TTC34: variants seen among roughly 807,000 people sequenced by gnomAD.
The protein encoded by TTC34 is tetratricopeptide repeat protein 34.
TTC34 carries 44 observed loss-of-function variants against 40.7 expected under a neutral mutation model. That is an observed-to-expected ratio of 1.08 (90% CI 0.85 to 1.39). TTC34 has a LOEUF of 1.39. Among genes scored for constraint, TTC34 ranks in the 40% most tolerant of loss-of-function variants. The pLI, the probability that TTC34 is intolerant of heterozygous loss-of-function variation, is 0.00. For synonymous variants in TTC34, 422 were observed against 398.6 expected (o/e 1.06, Z -0.70); for missense variants, 884 against 838.0 (o/e 1.05, Z -0.68).
At chr1:2,751,982 A>T (rs1443731630) in intron 6 of TTC34, among the ~76,000 whole-genome samples, 1 of 117,052 alleles carries the variant, frequency 8.5e-6, no homozygotes, top group African/African-American at 3.8e-5. Flanking sequence ...CCAGGCGAGC[A>T]TTTGACAGCC....
chr1:2,752,090 C>T lies in TTC34; in HGVS notation c.2226+31519G>A, dbSNP rs1230583864. ...TGAACGCACGGAGCAGCACCCACACCTTCAGGCGAGCATCGGACAGCCTGG... is the reference window on the plus strand; with the variant it reads ...TGAACGCACGGAGCAGCACCCACACTTTCAGGCGAGCATCGGACAGCCTGG... On this transcript the variant is annotated intron_variant, in intron 6 of 8. Transcript: ENST00000401095. 1.7e-4 allele frequency among the ~76,000 whole-genome samples: 19 copies of T among 112,160 alleles called. 6 individuals carry two copies. In the East Asian group the frequency reaches 6.1e-3, roughly 36 times the overall value. 73.6% of individuals were successfully genotyped at this position (112,160 alleles called of 152,430 possible).
exon 3 of TTC34, chr1:2,789,832 G>A (rs2100629985): frequency 4.6e-6 from 2 of 436,698 alleles, no homozygotes; most frequent in Admixed American, 4.4e-5. Context: ...CCTCCATGGC[G>A]CGCCGCGAGT....
chr1:2,768,207 C>A (rs1333033150), intron 6 of TTC34, among the ~76,000 whole-genome samples: 1 of 151,848 alleles, frequency 6.6e-6, no homozygotes, highest in Non-Finnish European at 1.5e-5. Flanking sequence ...CAGTGCCCAC[C>A]CCTGGGTGAG....
Position 2,775,472 on chromosome 1 carries a change from C to T in TTC34, c.2226+8137G>A, listed in dbSNP as rs547953736. ...TGACAGCCTGGAGCAGTACCCACAC[C>T]CCCAGGTGTGCATCTGACAGCCTGA... is the stretch of plus-strand genomic sequence containing the variant. On this transcript the variant is annotated intron_variant, in intron 6 of 8. Coordinates refer to ENST00000401095, the Ensembl canonical transcript of TTC34. The T allele has an allele frequency of 4.9e-4, 72 of 147,908 alleles. 10 individuals carry two copies. The highest frequency in any genetic ancestry group is 1.8e-3 in the African/African-American group (70 of 37,880). 9.2% of individuals were successfully genotyped at this position (147,908 alleles called of 1,614,324 possible).
Position 2,684,647 on chromosome 1 carries a change from G to A in TTC34, c.2227-39084C>T, listed in dbSNP as rs1388604729. On this transcript the variant is annotated intron_variant, in intron 6 of 8. Transcript: ENST00000401095. Reference sequence around the variant, plus strand: ...GAATGGCATCCTCACCTCCAGGTGAGCATCCGACAGCCTGGAGCAGCACCC... The same window carrying A: ...GAATGGCATCCTCACCTCCAGGTGAACATCCGACAGCCTGGAGCAGCACCC... Among the ~76,000 whole-genome samples the A allele has an allele frequency of 1.3e-4, 17 of 129,164 alleles. 2 individuals carry two copies. The highest frequency in any genetic ancestry group is 5.6e-4 in the African/African-American group (16 of 28,548). The allele number at this position is 129,164 out of a possible 152,430, so 84.7% of individuals were successfully genotyped here.
chr1:2,691,767 A>T (rs1456607556), intron 6 of TTC34, among the ~76,000 whole-genome samples: 2 of 61,782 alleles, frequency 3.2e-5, no homozygotes, highest in African/African-American at 5.5e-5. Context: ...TCTGAACGCA[A>T]ATAGCAGCAC....
In TTC34 at chr1:2,783,865, G is replaced by C; in HGVS notation, c.2060-90C>G. 2.4e-6 allele frequency: 3 copies of C among 1,261,076 alleles called. No individual in the cohort carries two copies. The South Asian group carries it at 6.6e-5, about 28-fold the overall frequency. The allele number at this position is 1,261,076 out of a possible 1,614,324, so 78.1% of individuals were successfully genotyped here. On this transcript the variant is annotated intron_variant, in intron 5 of 8. Coordinates refer to ENST00000401095, the Ensembl canonical transcript of TTC34. ...GCCCAGCCCGGGGAGGGCAGAGGGTGCATGAGCTTCAGGGCCTACCTTGGG... is the reference window on the plus strand; with the variant it reads ...GCCCAGCCCGGGGAGGGCAGAGGGTCCATGAGCTTCAGGGCCTACCTTGGG...
At chr1:2,673,113 C>A (rs1639760127) in intron 6 of TTC34, among the ~76,000 whole-genome samples, 3 of 82,872 alleles carry the variant, frequency 3.6e-5, no homozygotes, top group Non-Finnish European at 9.1e-5. Context: ...ACAGCACCCA[C>A]ACCCCCAGGT....
intron 6 of TTC34, among the ~76,000 whole-genome samples, chr1:2,768,534 C>A (rs1192918036): frequency 6.6e-6 from 1 of 151,796 alleles, no homozygotes; most frequent in African/African-American, 2.4e-5. Context: ...GAACAGCACC[C>A]CACAACTGCA....
intron 6 of TTC34, among the ~76,000 whole-genome samples, chr1:2,748,959 C>A (rs1641231255): frequency 8.1e-6 from 1 of 122,886 alleles, no homozygotes; most frequent in Non-Finnish European, 1.6e-5. Flanking sequence ...CAGCACCCTG[C>A]TTCCCCAGGT....
rs1184725751 is a variant in TTC34, at chr1:2,753,617, C to T, written c.2226+29992G>A. 2.7e-5 allele frequency among the ~76,000 whole-genome samples: 3 copies of T among 109,856 alleles called. No homozygotes were observed. The East Asian group carries it at 8.5e-4, about 31-fold the overall frequency. The allele number at this position is 109,856 out of a possible 152,430, so 72.1% of individuals were successfully genotyped here. A position where few individuals can be genotyped will look rare whatever the true frequency, so the allele number is the denominator to read the frequency against. On this transcript the variant is annotated intron_variant, in intron 6 of 8. Coordinates refer to ENST00000401095, the Ensembl canonical transcript of TTC34. ...TGACATCGTGGAGCAGCACCCCACA[C>T]CCACAGGTGAGCTTCTGACAGCCTG...
chr1:2,761,006 A>T lies in TTC34; in HGVS notation c.2226+22603T>A, dbSNP rs1641669693. ...ATAGCCTGGAGCAGCGCTCACACCC[A>T]GAGGTGAGCATATGACCACCTGGAG... On this transcript the variant is annotated intron_variant, in intron 6 of 8. Coordinates refer to ENST00000401095, the Ensembl canonical transcript of TTC34. 3.1e-5 allele frequency among the ~76,000 whole-genome samples: 2 copies of T among 65,324 alleles called. 1 individual carries two copies. The highest frequency in any genetic ancestry group is 9.4e-4 in the East Asian group (2 of 2,124). The allele number at this position is 65,324 out of a possible 152,430, so 42.9% of individuals were successfully genotyped here. A position where few individuals can be genotyped will look rare whatever the true frequency, so the allele number is the denominator to read the frequency against.
chr1:2,798,470 C>A (rs1406525708), intron 2 of TTC34, among the ~76,000 whole-genome samples: 1 of 105,292 alleles, frequency 9.5e-6, no homozygotes, highest in Non-Finnish European at 1.9e-5. Context: ...AGCCTCCCAG[C>A]CTCTCAGCCT....
At chr1:2,653,421 T>C (rs1451389050) in intron 6 of TTC34, among the ~76,000 whole-genome samples, 2,538 of 147,400 alleles carry the variant, frequency 0.017, no homozygotes, top group African/African-American at 0.064. Flanking sequence ...CAGGTGAGCA[T>C]CTGACAGCCT....
rs559480080 is a variant in TTC34, at chr1:2,801,345, C to T, written c.-42+232G>A. 3.2e-3 allele frequency among the ~76,000 whole-genome samples: 487 copies of T among 152,000 alleles called. 1 individual carries two copies. The highest frequency in any genetic ancestry group is 0.011 in the African/African-American group (445 of 41,448). On this transcript the variant is annotated intron_variant, in intron 1 of 8. Transcript: ENST00000401095. ...CCCACCCTCTCACACCTGGGCCATT[C>T]GAGGGGGGCGCCGAGAGCACCTGCC...
intron 6 of TTC34, among the ~76,000 whole-genome samples, chr1:2,674,917 A>G (rs1464072924): frequency 1.7e-5 from 2 of 121,212 alleles, no homozygotes; most frequent in East Asian, 2.1e-4. Flanking sequence ...AGCAGTGCCC[A>G]CACCCCGAGG....
chr1:2,767,757 C>G (rs1022258041), intron 6 of TTC34, among the ~76,000 whole-genome samples: 1 of 141,216 alleles, frequency 7.1e-6, no homozygotes, highest in Non-Finnish European at 1.5e-5. Context: ...AATAAAGCAG[C>G]ACCCTGCACC....
At chr1:2,683,916 C>A (rs1402887946) in intron 6 of TTC34, among the ~76,000 whole-genome samples, 1 of 148,060 alleles carries the variant, frequency 6.8e-6, no homozygotes, top group Non-Finnish European at 1.5e-5. Flanking sequence ...ACCCACACCT[C>A]CAGGTGAGCA....
chr1:2,699,552 C>T (rs1164102250), intron 6 of TTC34, among the ~76,000 whole-genome samples: 24 of 121,024 alleles, frequency 2.0e-4, no homozygotes, highest in Admixed American at 3.5e-4. Context: ...GAGCATCTGA[C>T]AGCCTGGAGC....
Sources: gnomAD v4.1 joint callset for allele counts (sites outside exome capture counted in the v4.1 genomes callset) on GRCh38, gnomAD v4.1.1 for gene constraint, MANE v1.5 for transcripts, NCBI Gene and HGNC (gene_info 2026-07-23, HGNC 2026-07-21) for gene names.